Variants in DNAH5 observed in about 807,000 individuals in gnomAD.
The protein encoded by DNAH5 is axonemal beta dynein heavy chain 5.
Under a neutral mutation model 518.2 loss-of-function variants are expected in DNAH5, and 372 were observed. The observed-to-expected ratio is 0.72, with a 90% CI of 0.66 to 0.78. DNAH5 has a LOEUF of 0.78. Among genes scored for constraint, DNAH5 ranks in the 30% least tolerant of loss-of-function variants. DNAH5 has a pLI of 0.00. For synonymous variants in DNAH5, 2,039 were observed against 2,025.9 expected, an observed-to-expected ratio of 1.01 and a Z score of -0.17; for missense variants, 5,523 against 5,687.0, an observed-to-expected ratio of 0.97 and a Z score of 0.93.
chr5:13,758,740 G>A lies in DNAH5; in HGVS notation c.10419+106C>T, dbSNP rs549443137. The A allele has an allele frequency of 1.6e-4, 246 of 1,497,546 alleles. 1 individual carries two copies. The South Asian group carries it at 2.6e-3, about 16-fold the overall frequency. The allele number at this position is 1,497,546 out of a possible 1,614,324, so 92.8% of individuals were successfully genotyped here. ...ACCCTTGGTGTCCATTATGTGCTAT[G>A]TATGTATTATGTATAAATTCAGTGA... On this transcript the variant is annotated intron_variant, in intron 61 of 78. Coordinates refer to ENST00000265104, the MANE Select transcript of DNAH5 (RefSeq NM_001369.3).
chr5:13,919,058 A>T, intron 7 of DNAH5, 118 bp downstream of exon 7: 1 of 1,281,970 alleles, frequency 7.8e-7, no homozygotes, highest in Non-Finnish European at 1.1e-6. Flanking sequence ...ATGTAATTTT[A>T]AATGTTTTTC....
At position 13,983,299 on chromosome 5, in the gene DNAH5, T is replaced by C. The variant is rs377069642; in HGVS notation, c.12+28349A>G. Among the ~76,000 whole-genome samples, 70 of 152,306 alleles carry C rather than the reference T, an allele frequency of 4.6e-4. 1 individual carries two copies. In the South Asian group the frequency reaches 0.015, roughly 32 times the overall value. On this transcript the variant is annotated intron_variant, in intron 1 of 78. Coordinates refer to the DNAH5 transcript ENST00000681290. The stretch of plus-strand genomic sequence containing the variant: ...CCAGACAACACCCCACCCTGCTGGT[T>C]CCCATCCAAACCTGGAGCCTGAAGT...
intron 21 of DNAH5, among the ~76,000 whole-genome samples, chr5:13,881,458 T>A (rs988806589): frequency 1.3e-5 from 2 of 151,772 alleles, no homozygotes; most frequent in African/African-American, 4.8e-5. Context: ...TAACAAATTA[T>A]AACAAATCTT....
At chr5:13,745,352 G>A (rs1749187393) in intron 65 of DNAH5, among the ~76,000 whole-genome samples, 1 of 152,030 alleles carries the variant, frequency 6.6e-6, no homozygotes, top group Non-Finnish European at 1.5e-5. Context: ...ATTGGATATA[G>A]GCTTGATGTG....
At chr5:13,712,404 G>A (rs1288438426) in intron 75 of DNAH5, among the ~76,000 whole-genome samples, 1 of 152,184 alleles carries the variant, frequency 6.6e-6, no homozygotes, top group Non-Finnish European at 1.5e-5. Context: ...CTAGACATCA[G>A]CTTAGGCAAG....
rs111590616 is a variant in DNAH5 at position 13,910,968 on chromosome 5, G to A, written c.1644+418C>T. Among the ~76,000 whole-genome samples the A allele has an allele frequency of 1.2e-3, 182 of 152,328 alleles. 1 individual carries two copies. Among genetic ancestry groups the A allele is most frequent in the African/African-American group, 4.2e-3 (174 of 41,576 alleles). On this transcript the variant is annotated intron_variant, in intron 12 of 78. Coordinates refer to ENST00000265104, the MANE Select transcript of DNAH5 (RefSeq NM_001369.3). The stretch of plus-strand genomic sequence containing the variant: ...GTGCTGAGTCGGTCCTGGCGCCACC[G>A]TTTCTAAGGCCAGTGGCAGCCCTGC...
At chr5:13,950,312 T>G (rs1050896163) in intron 1 of DNAH5, among the ~76,000 whole-genome samples, 2 of 152,150 alleles carry the variant, frequency 1.3e-5, no homozygotes, top group African/African-American at 4.8e-5. Context: ...AGATGGGAGT[T>G]TTGCTCTTGT....
intron 34 of DNAH5, among the ~76,000 whole-genome samples, 192 bp from the exon 35 acceptor site, chr5:13,839,720 T>C (rs560962074): frequency 6.6e-6 from 1 of 152,156 alleles, no homozygotes; most frequent in Non-Finnish European, 1.5e-5. Flanking sequence ...CTAGAAGATA[T>C]AGGAATAAGA....
chr5:13,791,701 T>G (rs1757017817), intron 50 of DNAH5, among the ~76,000 whole-genome samples: 2 of 152,208 alleles, frequency 1.3e-5, no homozygotes, highest in Non-Finnish European at 2.9e-5. Context: ...TATCTTCTTC[T>G]CATACTAGAA....
intron 47 of DNAH5, among the ~76,000 whole-genome samples, chr5:13,806,504 G>A (rs1253205582): frequency 6.6e-6 from 1 of 152,196 alleles, no homozygotes; most frequent in Non-Finnish European, 1.5e-5. Flanking sequence ...AAGTTTCATT[G>A]CTCTGATATT....
At chr5:13,924,027 C>T (rs913858165) in intron 3 of DNAH5, among the ~76,000 whole-genome samples, 1 of 152,092 alleles carries the variant, frequency 6.6e-6, no homozygotes, top group African/African-American at 2.4e-5. Flanking sequence ...GCCTGGGCAA[C>T]AGAGCGAAAC....
chr5:13,695,493 C>A (rs909209905), intron 78 of DNAH5, among the ~76,000 whole-genome samples: 1 of 152,134 alleles, frequency 6.6e-6, no homozygotes, highest in Admixed American at 6.5e-5. Flanking sequence ...CCAGGAACTA[C>A]GAGGACATGT....
Position 13,762,853 on chromosome 5 carries a change from G to T in DNAH5, c.10150C>A (p.Pro3384Thr). The T allele has an allele frequency of 6.2e-7, 1 of 1,613,970 alleles. No homozygotes were observed. The highest frequency in any genetic ancestry group is 1.3e-5 in the African/African-American group (1 of 75,048). Residue 3384 changes from proline (P) to threonine (T), a missense_variant, in exon 60 of 79, where the codon CCT becomes ACT. Pro to Thr is a conservative substitution (Grantham distance 38). Coordinates refer to ENST00000265104, the MANE Select transcript of DNAH5 (RefSeq NM_001369.3). ...INEEVIEFLS[P>T]YFEMPDYNIE... The stretch of plus-strand genomic sequence containing the variant: ...TTATAGTCAGGCATTTCAAAGTAAG[G>T]ACTCAAAAATTCTATCACCTCTTCA...
At chr5:14,007,762 G>A (rs1176138953) in intron 1 of DNAH5, among the ~76,000 whole-genome samples, 2 of 152,094 alleles carry the variant, frequency 1.3e-5, no homozygotes, top group Admixed American at 6.5e-5. Flanking sequence ...GTCACAATTT[G>A]TTCATCTCAT....
In DNAH5 at chr5:13,917,582, A is replaced by G. The variant is rs76538496; in HGVS notation, c.976-326T>C. Among the ~76,000 whole-genome samples, 15 of 152,264 alleles carry G rather than the reference A, an allele frequency of 9.9e-5. No homozygotes were observed. In the East Asian group the frequency reaches 2.5e-3, roughly 25 times the overall value. ...CAGACCCATTTGATACCACACTTCC[A>G]TATTTTCTATCTTTCCTCTATTCTA... On this transcript the variant is annotated intron_variant, in intron 7 of 78. Transcript: ENST00000265104.
chr5:13,894,174 C>T (rs1312074899), intron 16 of DNAH5, among the ~76,000 whole-genome samples: 2 of 152,148 alleles, frequency 1.3e-5, no homozygotes, highest in Non-Finnish European at 2.9e-5. Context: ...GCAACATACC[C>T]GTACACATTC....
chr5:13,963,137 C>A (rs756506648), intron 1 of DNAH5, among the ~76,000 whole-genome samples: 1 of 152,110 alleles, frequency 6.6e-6, no homozygotes, highest in Non-Finnish European at 1.5e-5. Context: ...TCATAAAAAG[C>A]CATATTTGCT....
intron 55 of DNAH5, chr5:13,771,309 C>T (rs747797010): frequency 3.0e-5 from 10 of 332,452 alleles, no homozygotes; most frequent in Non-Finnish European, 5.7e-5. Flanking sequence ...ACAAATGGTA[C>T]AAATAACTCA....
At position 13,769,602 on chromosome 5, in the gene DNAH5, A is replaced by G. The variant is rs753402995; in HGVS notation, c.9619T>C (p.Leu3207=). The G allele has an allele frequency of 7.7e-5, 124 of 1,613,694 alleles. No individual in the cohort carries two copies. Among genetic ancestry groups the G allele is most frequent in the Non-Finnish European group, 1.0e-4 (120 of 1,179,782 alleles). Reference sequence around the variant, plus strand: ...TCTGAAGCTTCTTTGAGCTTTTCCAATCCAGTATTCATTCTGGGATTGAAA... The same window carrying G: ...TCTGAAGCTTCTTTGAGCTTTTCCAGTCCAGTATTCATTCTGGGATTGAAA... ...RTLANRMNTG[L]EKLKEASESV... Residue 3207 remains leucine (L), a synonymous_variant, in exon 57 of 79, where the codon TTG becomes CTG. Transcript: ENST00000265104.
Sources: allele counts gnomAD v4.1 joint callset (sites outside exome capture counted in the v4.1 genomes callset), GRCh38; gene constraint gnomAD v4.1.1; transcripts MANE v1.5; gene names NCBI Gene and HGNC (gene_info 2026-07-23, HGNC 2026-07-21).